HOMER2: variants seen among roughly 807,000 people sequenced by gnomAD.
HOMER2 encodes homer scaffold protein 2, also known as homer protein homolog 2.
In HOMER2, 27 loss-of-function variants were observed where a neutral mutation model predicts 47.0. The observed-to-expected ratio is 0.57, with a 90% CI of 0.42 to 0.79. The LOEUF is 0.79. Among genes scored for constraint, HOMER2 ranks in the 30% least tolerant of loss-of-function variants. The pLI is 0.00. For missense variants in HOMER2, 443 were observed against 435.0 expected, an observed-to-expected ratio of 1.02 and a Z score of -0.16; for synonymous variants, 161 against 163.8, an observed-to-expected ratio of 0.98 and a Z score of 0.13.
At chr15:82,891,425 G>C (rs1327063437) in intron 2 of HOMER2, among the ~76,000 whole-genome samples, 2 of 152,206 alleles carry the variant, frequency 1.3e-5, no homozygotes, top group African/African-American at 4.8e-5. Flanking sequence ...CCAAAGTGCA[G>C]AGAAAGGGTA....
chr15:82,916,832 T>C (rs1489275224), intron 1 of HOMER2, among the ~76,000 whole-genome samples: 1 of 148,848 alleles, frequency 6.7e-6, no homozygotes, highest in Non-Finnish European at 1.5e-5. Context: ...AGACAGAGTC[T>C]CACTCTGTTG....
intron 6 of HOMER2, 149 bp downstream of exon 6, chr15:82,854,495 G>A (rs984765907): frequency 2.9e-6 from 2 of 687,426 alleles, no homozygotes; most frequent in African/African-American, 1.8e-5. Flanking sequence ...GGGAGGGGGA[G>A]GGACGTTCCC....
At chr15:82,901,205 A>G (rs2053104984) in intron 1 of HOMER2, among the ~76,000 whole-genome samples, 1 of 152,100 alleles carries the variant, frequency 6.6e-6, no homozygotes, top group African/African-American at 2.4e-5. Flanking sequence ...AAAGGGCTGG[A>G]TGGGCCCAGG....
intron 1 of HOMER2, among the ~76,000 whole-genome samples, chr15:82,948,754 ATCTATG>A (rs1480191270): frequency 6.6e-6 from 1 of 152,150 alleles, no homozygotes; most frequent in Non-Finnish European, 1.5e-5. Context: ...AGGAAAGGAG[ATCTATG>A]TTAGCAGAAC....
chr15:82,877,697 CT>C (rs1478913478), intron 2 of HOMER2, among the ~76,000 whole-genome samples: 1 of 152,138 alleles, frequency 6.6e-6, no homozygotes, highest in African/African-American at 2.4e-5. Context: ...CTGACTTTTC[CT>C]TTCTTTATAA....
At chr15:82,843,537 T>G (rs1045736063) in exon 2 of HOMER2, 2 of 102,724 alleles carry the variant, frequency 1.9e-5, no homozygotes, top group Non-Finnish European at 4.1e-5. Context: ...AAAAAAAAAG[T>G]AACAGATAAA....
intron 2 of HOMER2, 149 bp downstream of exon 2, chr15:82,892,536 A>G: frequency 1.8e-6 from 1 of 570,284 alleles, no homozygotes; most frequent in South Asian, 6.1e-5. Context: ...TTTCTTCCCC[A>G]TTTACCGTAA....
chr15:82,924,862 T>C (rs2053818567), intron 1 of HOMER2, among the ~76,000 whole-genome samples: 1 of 152,228 alleles, frequency 6.6e-6, no homozygotes, highest in South Asian at 2.1e-4. Context: ...CACACATAGC[T>C]ACTCAGTGAC....
At chr15:82,905,769 A>C (rs998056995) in intron 1 of HOMER2, among the ~76,000 whole-genome samples, 1 of 152,194 alleles carries the variant, frequency 6.6e-6, no homozygotes. Context: ...ATATACAAAA[A>C]TGGATGCAGT....
chr15:82,905,416 A>C (rs12101624), intron 1 of HOMER2, among the ~76,000 whole-genome samples: 17,665 of 152,046 alleles, frequency 0.12, 1,255 homozygotes, highest in East Asian at 0.23. Flanking sequence ...AGCAATGACT[A>C]AGAATTTCCC....
chr15:82,950,133 G>A (rs2054475008), intron 1 of HOMER2, among the ~76,000 whole-genome samples: 1 of 152,142 alleles, frequency 6.6e-6, no homozygotes, highest in African/African-American at 2.4e-5. Context: ...CATTCCCTTG[G>A]TCAAAGGTGC....
intron 1 of HOMER2, among the ~76,000 whole-genome samples, chr15:82,930,621 C>T (rs2053982250): frequency 6.6e-6 from 1 of 152,238 alleles, no homozygotes; most frequent in African/African-American, 2.4e-5. Context: ...GCCTGGCCCA[C>T]AGTCATCCCA....
intron 1 of HOMER2, among the ~76,000 whole-genome samples, chr15:82,923,902 T>C (rs1365447290): frequency 1.3e-5 from 2 of 152,320 alleles, no homozygotes; most frequent in East Asian, 1.9e-4. Context: ...AGCACAGCTC[T>C]ACCAGGGTAA....
intron 2 of HOMER2, among the ~76,000 whole-genome samples, chr15:82,880,330 T>C (rs905304805): frequency 3.3e-5 from 5 of 152,232 alleles, no homozygotes; most frequent in Admixed American, 2.0e-4. Context: ...GGTTTAGCGA[T>C]ATATACACAT....
At position 82,851,081 on chromosome 15, in the gene HOMER2, G is replaced by A. The variant is rs998476561; in HGVS notation, c.843+70C>T. On this transcript the variant is annotated intron_variant, in intron 8 of 8. Coordinates refer to ENST00000450735, the MANE Select transcript of HOMER2 (RefSeq NM_004839.4). ...CTCAGTGTGAAAGTGATAGGAAGCA[G>A]GAAAATGAGTACCATGACATTTGTG... The A allele has an allele frequency of 1.3e-5, 13 of 1,016,660 alleles. No individual in the cohort carries two copies. In the African/African-American group the frequency reaches 2.1e-4, roughly 16 times the overall value. 63.0% of individuals were successfully genotyped at this position (1,016,660 alleles called of 1,614,324 possible).
upstream of HOMER2, among the ~76,000 whole-genome samples, chr15:82,954,341 G>C (rs1321251245): frequency 6.6e-6 from 1 of 151,698 alleles, no homozygotes; most frequent in African/African-American, 2.4e-5. Context: ...ACCCAGGCTA[G>C]AGTGCAGTGG....
At chr15:82,851,291 A>G in intron 7 of HOMER2, 60 bp from the exon 8 acceptor site, 1 of 1,213,284 alleles carries the variant, frequency 8.2e-7, no homozygotes, top group Non-Finnish European at 1.2e-6. Context: ...ATATTCTTGA[A>G]AATCACCAAT....
At chr15:82,982,583 G>A (rs1041871654) in intron 1 of HOMER2, among the ~76,000 whole-genome samples, 1 of 152,156 alleles carries the variant, frequency 6.6e-6, no homozygotes, top group African/African-American at 2.4e-5. Context: ...ATGCTCCAAT[G>A]AGCATTTCCT....
intron 5 of HOMER2, among the ~76,000 whole-genome samples, chr15:82,855,344 A>G (rs1197220904): frequency 1.1e-4 from 16 of 150,850 alleles, no homozygotes; most frequent in Non-Finnish European, 1.6e-4. Context: ...AAAAAAAAAA[A>G]AAAAAGAAAA....
Sources: gnomAD v4.1 joint callset for allele counts (sites outside exome capture counted in the v4.1 genomes callset) on GRCh38, gnomAD v4.1.1 for gene constraint, MANE v1.5 for transcripts, NCBI Gene and HGNC (gene_info 2026-07-23, HGNC 2026-07-21) for gene names.